Variants in GVQW3 observed in about 807,000 individuals in gnomAD.
GVQW3 encodes protein GVQW3.
GVQW3 carries 7 observed loss-of-function variants against 12.5 expected under a neutral mutation model. The observed-to-expected ratio is 0.56, with a 90% CI of 0.32 to 1.05. The LOEUF (loss-of-function observed/expected upper bound fraction) is 1.05, where lower values mean the gene tolerates loss of function less well. Ranked by LOEUF, GVQW3 falls within the 50% of genes least tolerant of loss-of-function variation. GVQW3 has a pLI of 0.04. For missense variants in GVQW3, 188 were observed against 190.8 expected, an observed-to-expected ratio of 0.99 and a Z score of 0.09; for synonymous variants, 71 against 67.2, an observed-to-expected ratio of 1.06 and a Z score of -0.28.
rs527743985 is a variant in GVQW3, at chr11:76,383,166, C to T, written c.465+873C>T. On this transcript the variant is annotated intron_variant, in intron 1 of 1. Transcript: ENST00000529331. ...GAAAATATAAACCCGGGGACCCAGGCAAGGCTGTGTTGTGTGGGGAGGAAG... is the reference window on the plus strand; with the variant it reads ...GAAAATATAAACCCGGGGACCCAGGTAAGGCTGTGTTGTGTGGGGAGGAAG... The T allele has an allele frequency of 8.4e-4, 128 of 152,518 alleles. 3 individuals carry two copies. In the South Asian group the frequency reaches 0.026, roughly 31 times the overall value. The allele number at this position is 152,518 out of a possible 1,614,324, so 9.4% of individuals were successfully genotyped here. A position where few individuals can be genotyped will look rare whatever the true frequency, so the allele number is the denominator to read the frequency against.
At chr11:76,387,121 A>AT (rs1326860567) in intron 1 of GVQW3, among the ~76,000 whole-genome samples, 13 of 152,158 alleles carry the variant, frequency 8.5e-5, no homozygotes, top group African/African-American at 3.1e-4. Flanking sequence ...TACTATTTTG[A>AT]TTTTTTTAAA....
downstream of GVQW3, chr11:76,414,619 C>CAAAAAA (rs33977692): frequency 3.8e-4 from 45 of 119,516 alleles, no homozygotes; most frequent in African/African-American, 1.4e-3. Flanking sequence ...ATGGTCCCCA[C>CAAAAAA]AAAAAAAAAA....
chr11:76,398,636 G>GT (rs1197093465), intron 1 of GVQW3, among the ~76,000 whole-genome samples: 2 of 151,822 alleles, frequency 1.3e-5, no homozygotes, highest in Admixed American at 6.6e-5. Flanking sequence ...AAAAACAATT[G>GT]TTTTTTTATG....
intron 1 of GVQW3, 86 bp downstream of exon 1, chr11:76,382,379 A>G (rs959667061): frequency 9.2e-6 from 8 of 866,234 alleles, no homozygotes; most frequent in Admixed American, 8.0e-5. Flanking sequence ...AGAGTCCACT[A>G]CTCTGCCAGT....
downstream of GVQW3, chr11:76,413,074 G>C (rs117748847): frequency 7.9e-5 from 12 of 152,078 alleles, no homozygotes; most frequent in Non-Finnish European, 1.8e-4. Context: ...TGTTAAGAAC[G>C]GAAACTTCAA....
chr11:76,390,997 C>T (rs1407351980), intron 1 of GVQW3, among the ~76,000 whole-genome samples: 1 of 152,206 alleles, frequency 6.6e-6, no homozygotes, highest in African/African-American at 2.4e-5. Context: ...CACAGCACAA[C>T]ACCTGGCATG....
chr11:76,382,758 C>A (rs1045762243), intron 1 of GVQW3: 2 of 269,980 alleles, frequency 7.4e-6, no homozygotes, highest in Non-Finnish European at 1.4e-5. Context: ...TTGTTCTCAA[C>A]CTTCTGCCTC....
chr11:76,393,888 GTTATTA>G (rs35323169), intron 1 of GVQW3, among the ~76,000 whole-genome samples: 38 of 150,614 alleles, frequency 2.5e-4, no homozygotes, highest in African/African-American at 7.1e-4. Flanking sequence ...TATACTCTTA[GTTATTA>G]TTATTATTAT....
intron 1 of GVQW3, among the ~76,000 whole-genome samples, chr11:76,400,430 G>A (rs1261335126): frequency 7.1e-6 from 1 of 141,404 alleles, no homozygotes; most frequent in Non-Finnish European, 1.5e-5. Context: ...TTGTTTGTTT[G>A]TTTTTTTGAG....
chr11:76,389,387 G>A (rs1946869156), intron 1 of GVQW3, among the ~76,000 whole-genome samples: 1 of 152,180 alleles, frequency 6.6e-6, no homozygotes, highest in South Asian at 2.1e-4. Flanking sequence ...GAGAGATTGA[G>A]GCCAGATCAC....
At chr11:76,410,438 T>TG (rs1050422969), downstream of GVQW3, among the ~76,000 whole-genome samples, 17 of 151,896 alleles carry the variant, frequency 1.1e-4, no homozygotes, top group South Asian at 1.3e-3. Context: ...TGTTTTGTTT[T>TG]TTTTTTTACT....
In GVQW3 at chr11:76,407,568, C is replaced by A; in HGVS notation, c.*3810C>A. ...CTCCAGCCTGGGCGGCAGAGCAAGA[C>A]TCCCTCTCAAAAAAAAAAAAAAAAA... is the stretch of plus-strand genomic sequence containing the variant. On this transcript the variant is annotated 3_prime_UTR_variant, in exon 2 of 2. Transcript: ENST00000529331. The A allele has an allele frequency of 8.6e-6, 1 of 116,456 alleles. No individual in the cohort carries two copies. Among genetic ancestry groups the A allele is most frequent in the Non-Finnish European group, 1.7e-5 (1 of 59,676 alleles). 7.2% of individuals were successfully genotyped at this position (116,456 alleles called of 1,614,324 possible). A position where few individuals can be genotyped will look rare whatever the true frequency, so the allele number is the denominator to read the frequency against.
At chr11:76,413,351 C>T (rs913786244) in exon 2 of GVQW3, 1 of 152,140 alleles carries the variant, frequency 6.6e-6, no homozygotes, top group Non-Finnish European at 1.5e-5. Flanking sequence ...ATAACATGAT[C>T]GCCATTGACA....
At chr11:76,394,483 C>A (rs1946922301) in intron 1 of GVQW3, among the ~76,000 whole-genome samples, 1 of 152,132 alleles carries the variant, frequency 6.6e-6, no homozygotes, top group Non-Finnish European at 1.5e-5. Context: ...AACATAATGA[C>A]CTTCAGTTCT....
chr11:76,385,388 C>G (rs1016141753), intron 1 of GVQW3, among the ~76,000 whole-genome samples: 1 of 152,124 alleles, frequency 6.6e-6, no homozygotes, highest in African/African-American at 2.4e-5. Flanking sequence ...ACCTTGCTGC[C>G]TAGGCCTCTT....
chr11:76,398,139 A>AC (rs1045486555), intron 1 of GVQW3, among the ~76,000 whole-genome samples: 1 of 151,536 alleles, frequency 6.6e-6, no homozygotes, highest in African/African-American at 2.4e-5. Context: ...TGTCTCAAAA[A>AC]AAAAAAAAAA....
intron 1 of GVQW3, among the ~76,000 whole-genome samples, chr11:76,394,271 TC>T (rs1946920098): frequency 6.6e-6 from 1 of 152,124 alleles, no homozygotes; most frequent in Admixed American, 6.6e-5. Flanking sequence ...AAATATTAGA[TC>T]TTGTCCATTC....
At chr11:76,397,910 G>C (rs1238003879) in intron 1 of GVQW3, among the ~76,000 whole-genome samples, 1 of 152,090 alleles carries the variant, frequency 6.6e-6, no homozygotes, top group Non-Finnish European at 1.5e-5. Context: ...TGAGGCGGGT[G>C]GATCATCTGA....
In GVQW3 at chr11:76,381,913, T is replaced by G. The variant is rs771109671; in HGVS notation, c.85T>G (p.Leu29Val). Residue 29 changes from leucine to valine, a missense_variant, in exon 1 of 2, where the codon TTA (leucine) becomes GTA (valine). Transcript: ENST00000529331. The stretch of plus-strand genomic sequence containing the variant: ...GTCTGCAAGTGAGACCCACCATCTT[T>G]TAAAAGAAGCTTATGGGGATGAAGT... ...NKSASETHHL[L>V]KEAYGDEVMS... 15 of 1,536,330 alleles carry G rather than the reference T, an allele frequency of 9.8e-6. No homozygotes were observed. Among genetic ancestry groups the G allele is most frequent in the Non-Finnish European group, 1.2e-5 (14 of 1,146,994 alleles).
Sources: gnomAD v4.1 joint callset for allele counts (sites outside exome capture counted in the v4.1 genomes callset) on GRCh38, gnomAD v4.1.1 for gene constraint, MANE v1.5 for transcripts, NCBI Gene and HGNC (gene_info 2026-07-23, HGNC 2026-07-21) for gene names.